The following PDE2A variants were observed in gnomAD, a reference collection of about 807,000 sequenced individuals.
PDE2A encodes phosphodiesterase 2A.
In PDE2A, 53 loss-of-function variants were observed where a neutral mutation model predicts 133.6. That is an observed-to-expected ratio of 0.40 (90% CI 0.32 to 0.50). PDE2A has a LOEUF of 0.50. PDE2A is among the 20% of genes least tolerant of loss of function. The pLI is 0.73. For synonymous variants in PDE2A, 491 were observed against 490.2 expected (o/e 1.00, Z -0.02); for missense variants, 796 against 1,232.4 (o/e 0.65, Z 5.30).
At chr11:72,668,899 C>T (rs923995566) in intron 1 of PDE2A, 31 of 1,045,312 alleles carry the variant, frequency 3.0e-5, no homozygotes, top group Non-Finnish European at 3.6e-5. Context: ...TGGTCCCTCC[C>T]ACACGATGAC....
intron 4 of PDE2A, chr11:72,598,521 C>A (rs765582109): frequency 7.8e-7 from 1 of 1,289,140 alleles, no homozygotes. Flanking sequence ...GAGTTTGCAC[C>A]AAATGTCACT....
intron 2 of PDE2A, among the ~76,000 whole-genome samples, chr11:72,640,080 C>G (rs1858888613): frequency 6.6e-6 from 1 of 152,064 alleles, no homozygotes; most frequent in African/African-American, 2.4e-5. Flanking sequence ...CAGGCACACA[C>G]AGCTCATGGG....
intron 1 of PDE2A, among the ~76,000 whole-genome samples, chr11:72,648,176 A>G (rs756259029): frequency 2.0e-5 from 3 of 152,150 alleles, no homozygotes; most frequent in African/African-American, 7.2e-5. Flanking sequence ...CAATACCAGG[A>G]TCTAGCCCTT....
At chr11:72,666,896 A>G (rs1342541894) in intron 1 of PDE2A, among the ~76,000 whole-genome samples, 2 of 152,212 alleles carry the variant, frequency 1.3e-5, no homozygotes, top group African/African-American at 4.8e-5. Flanking sequence ...ATTTGAGGTC[A>G]GGAGTTCAAG....
intron 1 of PDE2A, among the ~76,000 whole-genome samples, chr11:72,656,081 G>A (rs1854891469): frequency 1.3e-5 from 2 of 152,190 alleles, no homozygotes; most frequent in South Asian, 4.1e-4. Context: ...GAGGGAGGTT[G>A]AGCTGCAGAG....
At chr11:72,667,009 G>A (rs1316884820) in intron 1 of PDE2A, among the ~76,000 whole-genome samples, 1 of 152,202 alleles carries the variant, frequency 6.6e-6, no homozygotes, top group African/African-American at 2.4e-5. Context: ...AGGAGGCTGA[G>A]GCAGGAGAAT....
At position 72,654,557 on chromosome 11, in the gene PDE2A, C is replaced by T. The variant is rs560611558; in HGVS notation, c.72-12231G>A. ...CTGGGGTGGGTCCCCAGCCCTCCTC[C>T]GGCCACCACTGCTCCTAGCACCAGA... On this transcript the variant is annotated intron_variant, in intron 1 of 30. Transcript: ENST00000334456. Among the ~76,000 whole-genome samples the T allele has an allele frequency of 1.2e-4, 19 of 152,140 alleles. No individual in the cohort carries two copies. The East Asian group carries it at 2.3e-3, about 19-fold the overall frequency.
At chr11:72,630,523 G>A (rs1426403656) in intron 2 of PDE2A, among the ~76,000 whole-genome samples, 1 of 151,484 alleles carries the variant, frequency 6.6e-6, no homozygotes, top group Non-Finnish European at 1.5e-5. Context: ...AGCAGTTTGG[G>A]GGAGGCAGGA....
intron 1 of PDE2A, among the ~76,000 whole-genome samples, chr11:72,661,814 G>A (rs990975583): frequency 5.9e-5 from 9 of 152,298 alleles, no homozygotes; most frequent in Non-Finnish European, 1.0e-4. Context: ...GTGCTGAATC[G>A]TACCTGTGTT....
intron 3 of PDE2A, among the ~76,000 whole-genome samples, chr11:72,607,140 C>T (rs529483284): frequency 1.3e-5 from 2 of 152,346 alleles, no homozygotes; most frequent in South Asian, 4.1e-4. Context: ...TCAGGGCTTC[C>T]CTAGCTCCTA....
chr11:72,627,689 G>A (rs991079549), intron 2 of PDE2A, among the ~76,000 whole-genome samples: 11 of 152,210 alleles, frequency 7.2e-5, no homozygotes, highest in African/African-American at 1.9e-4. Flanking sequence ...TAGAGGAGCC[G>A]GTGTTGGGCA....
At chr11:72,628,251 A>T (rs1168939025) in intron 2 of PDE2A, among the ~76,000 whole-genome samples, 1 of 152,108 alleles carries the variant, frequency 6.6e-6, no homozygotes, top group Non-Finnish European at 1.5e-5. Context: ...CACCCCACAC[A>T]TACAGTCTTT....
chr11:72,589,677 G>A, intron 11 of PDE2A, 74 bp downstream of exon 11: 1 of 1,261,388 alleles, frequency 7.9e-7, no homozygotes, highest in Non-Finnish European at 1.2e-6. Context: ...AATACTCCAG[G>A]CAGATCCCAG....
In PDE2A at chr11:72,577,373, C is replaced by A; in HGVS notation, c.*11G>T. 6.2e-7 allele frequency: 1 copy of A among 1,607,324 alleles called. No homozygotes were observed. Among genetic ancestry groups the A allele is most frequent in the Non-Finnish European group, 8.5e-7 (1 of 1,175,496 alleles). On this transcript the variant is annotated 3_prime_UTR_variant, in exon 31 of 31. Transcript: ENST00000334456. ...GAGGTGGCCTGGGCAGGGAAGTGTC[C>A]CTGGAGGGGATCACTCAGCATCAAG...
rs538695914 is a variant in PDE2A, at chr11:72,604,592, A to G, written c.323+546T>C. Among the ~76,000 whole-genome samples the G allele has an allele frequency of 8.7e-4, 133 of 152,374 alleles. 1 individual carries two copies. In the South Asian group the frequency reaches 0.01, roughly 12 times the overall value. On this transcript the variant is annotated intron_variant, in intron 4 of 30. Transcript: ENST00000334456. ...CCATTATTATCACCATTTCATAAAC[A>G]AAACTGAGGCACAGAGAGGTTGTGT...
intron 4 of PDE2A, among the ~76,000 whole-genome samples, chr11:72,603,581 T>C (rs1012388861): frequency 6.6e-6 from 1 of 152,190 alleles, no homozygotes; most frequent in Non-Finnish European, 1.5e-5. Flanking sequence ...GGAGCTTATA[T>C]GAAGCAAAGT....
chr11:72,599,516 G>T (rs1265462757), intron 4 of PDE2A, among the ~76,000 whole-genome samples: 2 of 152,058 alleles, frequency 1.3e-5, no homozygotes, highest in African/African-American at 4.8e-5. Flanking sequence ...CGATCAGTGA[G>T]TCACCTCCCA....
chr11:72,611,227 C>T (rs918294790), intron 2 of PDE2A, among the ~76,000 whole-genome samples: 3 of 152,152 alleles, frequency 2.0e-5, no homozygotes, highest in Admixed American at 6.5e-5. Context: ...CTTCAGAGAG[C>T]TAAGTCTCCC....
chr11:72,641,170 A>G (rs552952716), intron 2 of PDE2A, among the ~76,000 whole-genome samples: 1 of 152,346 alleles, frequency 6.6e-6, no homozygotes, highest in African/African-American at 2.4e-5. Context: ...GCCCCCGTCA[A>G]GACCAGGGCA....
Sources: gnomAD v4.1 joint callset for allele counts (sites outside exome capture counted in the v4.1 genomes callset) on GRCh38, gnomAD v4.1.1 for gene constraint, MANE v1.5 for transcripts, NCBI Gene and HGNC (gene_info 2026-07-23, HGNC 2026-07-21) for gene names.